The following NPAS3 variants were observed in gnomAD, a reference collection of about 807,000 sequenced individuals.
NPAS3 encodes the protein neuronal PAS domain-containing protein 3.
A neutral mutation model predicts 73.1 loss-of-function variants in NPAS3; 14 were observed. The ratio of observed to expected loss-of-function variants is 0.19; its 90% CI spans 0.13 to 0.30. The LOEUF is 0.30. Ranked by LOEUF, NPAS3 falls within the 10% of genes least tolerant of loss-of-function variation. NPAS3 has a pLI of 1.00. For synonymous variants in NPAS3, 620 were observed against 541.5 expected (o/e 1.14, Z -2.01); for missense variants, 1,096 against 1,250.0 (o/e 0.88, Z 1.86).
chr14:33,258,658 C>G (rs2048861115), intron 3 of NPAS3, among the ~76,000 whole-genome samples: 1 of 152,168 alleles, frequency 6.6e-6, no homozygotes, highest in Non-Finnish European at 1.5e-5. Context: ...AGGACCTAAT[C>G]TGATCACAAG....
chr14:33,408,294 C>T (rs1594853230), intron 4 of NPAS3, among the ~76,000 whole-genome samples: 2 of 152,088 alleles, frequency 1.3e-5, no homozygotes, highest in South Asian at 4.1e-4. Flanking sequence ...AGTCAGCAAG[C>T]CCTTGGTTAA....
At chr14:33,023,615 G>T (rs1595254729) in intron 1 of NPAS3, among the ~76,000 whole-genome samples, 1 of 152,272 alleles carries the variant, frequency 6.6e-6, no homozygotes, top group East Asian at 1.9e-4. Flanking sequence ...AAATAGATGG[G>T]AAGAGTATTC....
chr14:33,366,714 T>C (rs10483438), intron 3 of NPAS3, among the ~76,000 whole-genome samples: 36,645 of 152,154 alleles, frequency 0.24, 4,729 homozygotes, highest in Non-Finnish European at 0.3. Flanking sequence ...TGTGATGAAG[T>C]TATTGCATTA....
At chr14:32,997,662 C>A (rs11625401) in intron 1 of NPAS3, among the ~76,000 whole-genome samples, 3 of 151,592 alleles carry the variant, frequency 2.0e-5, no homozygotes, top group Admixed American at 2.0e-4. Context: ...CAGTGGCTCA[C>A]GCCTGTAATC....
At chr14:33,525,870 A>T (rs770321287) in intron 4 of NPAS3, among the ~76,000 whole-genome samples, 30 of 152,160 alleles carry the variant, frequency 2.0e-4, no homozygotes, top group Non-Finnish European at 4.0e-4. Flanking sequence ...CTATCTGACA[A>T]AGATAACTAA....
At chr14:33,515,621 A>G (rs1313553669) in intron 4 of NPAS3, among the ~76,000 whole-genome samples, 1 of 152,068 alleles carries the variant, frequency 6.6e-6, no homozygotes, top group Non-Finnish European at 1.5e-5. Flanking sequence ...AATATTCACT[A>G]TCTGGTCCTT....
chr14:33,117,885 C>G (rs1264541842), intron 2 of NPAS3, among the ~76,000 whole-genome samples: 5 of 151,956 alleles, frequency 3.3e-5, no homozygotes, highest in Non-Finnish European at 7.4e-5. Flanking sequence ...TCATTTTTCC[C>G]TTTCACTTCC....
intron 5 of NPAS3, among the ~76,000 whole-genome samples, chr14:33,657,578 T>C (rs1238264371): frequency 1.3e-5 from 2 of 152,154 alleles, no homozygotes; most frequent in South Asian, 4.1e-4. Context: ...TTAGAGAAAG[T>C]TTTCCTACAG....
At chr14:33,286,729 G>T (rs1393518737) in intron 3 of NPAS3, among the ~76,000 whole-genome samples, 1 of 151,936 alleles carries the variant, frequency 6.6e-6, no homozygotes, top group Non-Finnish European at 1.5e-5. Flanking sequence ...GTCTCTAAGT[G>T]CACCAGTTTC....
intron 3 of NPAS3, among the ~76,000 whole-genome samples, chr14:33,254,849 A>G (rs1328635709): frequency 6.6e-6 from 1 of 152,128 alleles, no homozygotes; most frequent in African/African-American, 2.4e-5. Context: ...GGTATGTATG[A>G]GGAAAACTCT....
intron 6 of NPAS3, among the ~76,000 whole-genome samples, chr14:33,682,114 GAAT>G (rs1458036003): frequency 1.3e-5 from 2 of 152,192 alleles, no homozygotes; most frequent in East Asian, 3.8e-4. Context: ...AATTTATGAT[GAAT>G]GTTTATCAAA....
At chr14:33,608,724 A>G (rs191616446) in intron 5 of NPAS3, 2 of 152,314 alleles carry the variant, frequency 1.3e-5, no homozygotes, top group East Asian at 3.9e-4. Context: ...TTTGTTGGAC[A>G]GATTATTTCA....
chr14:33,672,460 G>A (rs1362263313), intron 5 of NPAS3, among the ~76,000 whole-genome samples: 1 of 151,978 alleles, frequency 6.6e-6, no homozygotes, highest in Non-Finnish European at 1.5e-5. Context: ...TAATAGACTA[G>A]TCCTAGCTCT....
At chr14:33,306,585 A>T (rs1051453229) in intron 3 of NPAS3, among the ~76,000 whole-genome samples, 3 of 152,208 alleles carry the variant, frequency 2.0e-5, no homozygotes, top group Non-Finnish European at 2.9e-5. Flanking sequence ...CATGTCCTGA[A>T]GATGTGAGCC....
At chr14:33,197,237 C>CTG (rs11268151) in intron 2 of NPAS3, among the ~76,000 whole-genome samples, 4,898 of 135,250 alleles carry the variant, frequency 0.036, 103 homozygotes, top group African/African-American at 0.07. Context: ...CTCCAGCAGG[C>CTG]TGTGTGTGTG....
chr14:32,958,370 T>A (rs1222261185), intron 1 of NPAS3, among the ~76,000 whole-genome samples: 2 of 152,202 alleles, frequency 1.3e-5, no homozygotes, highest in Non-Finnish European at 2.9e-5. Flanking sequence ...CAATAGACAC[T>A]TTGAGTTGTT....
At chr14:33,629,102 G>A (rs1033234954) in intron 5 of NPAS3, among the ~76,000 whole-genome samples, 2 of 152,122 alleles carry the variant, frequency 1.3e-5, no homozygotes, top group African/African-American at 2.4e-5. Context: ...AGGCGTGGTG[G>A]TGGGTGCCTG....
chr14:33,503,600 A>G (rs2052619116), intron 4 of NPAS3, among the ~76,000 whole-genome samples: 1 of 151,918 alleles, frequency 6.6e-6, no homozygotes. Context: ...TGGCACGGCA[A>G]TGGGGCAAAG....
intron 6 of NPAS3, among the ~76,000 whole-genome samples, chr14:33,710,582 G>A (rs1457401373): frequency 6.6e-6 from 1 of 152,106 alleles, no homozygotes; most frequent in African/African-American, 2.4e-5. Context: ...CTCATCAGGC[G>A]TGCCCCGCTC....
Sources: allele counts gnomAD v4.1 joint callset (sites outside exome capture counted in the v4.1 genomes callset), GRCh38; gene constraint gnomAD v4.1.1; transcripts MANE v1.5; gene names NCBI Gene and HGNC (gene_info 2026-07-23, HGNC 2026-07-21).